Variants in CDH8 observed in about 807,000 individuals in gnomAD.
CDH8 encodes cadherin 8.
CDH8 carries 17 observed loss-of-function variants against 68.1 expected under a neutral mutation model. The observed-to-expected ratio is 0.25, with a 90% CI of 0.17 to 0.37. The LOEUF (loss-of-function observed/expected upper bound fraction) is 0.37, where lower values mean the gene tolerates loss of function less well. Ranked by LOEUF, CDH8 falls within the 10% of genes least tolerant of loss-of-function variation. The probability of loss-of-function intolerance (pLI) is 1.00; values close to 1 mark genes in which losing one functional copy is unlikely to be tolerated. For missense variants in CDH8, 763 were observed against 999.3 expected (o/e 0.76, Z 3.19); for synonymous variants, 372 against 365.1 (o/e 1.02, Z -0.21).
At chr16:61,883,944 G>C (rs1037019198) in intron 3 of CDH8, among the ~76,000 whole-genome samples, 2 of 132,296 alleles carry the variant, frequency 1.5e-5, no homozygotes, top group Non-Finnish European at 3.1e-5. Flanking sequence ...AAGCAGAACA[G>C]TAAACAGTAG....
At chr16:61,844,057 A>C (rs1962745490) in intron 4 of CDH8, among the ~76,000 whole-genome samples, 1 of 152,078 alleles carries the variant, frequency 6.6e-6, no homozygotes, top group Admixed American at 6.5e-5. Context: ...CTGGATTAAG[A>C]AAATGTGGCA....
chr16:62,011,400 C>A (rs952795169), intron 2 of CDH8, among the ~76,000 whole-genome samples: 18 of 152,308 alleles, frequency 1.2e-4, no homozygotes, highest in African/African-American at 4.1e-4. Flanking sequence ...GTCCCATCAG[C>A]CCACCATGTT....
intron 8 of CDH8, among the ~76,000 whole-genome samples, chr16:61,751,347 A>AAGTAGTTGGC (rs1960152535): frequency 7.1e-6 from 1 of 141,660 alleles, no homozygotes; most frequent in Non-Finnish European, 1.5e-5. Flanking sequence ...CTCTGAGGTT[A>AAGTAGTTGGC]AGTAGTTGGC....
At chr16:61,902,063 T>C (rs1963984157) in intron 2 of CDH8, among the ~76,000 whole-genome samples, 1 of 151,870 alleles carries the variant, frequency 6.6e-6, no homozygotes, top group Non-Finnish European at 1.5e-5. Flanking sequence ...TATTGACTGA[T>C]ATTAAGATAT....
intron 2 of CDH8, among the ~76,000 whole-genome samples, chr16:61,908,474 C>T (rs1964100231): frequency 6.6e-6 from 1 of 152,138 alleles, no homozygotes; most frequent in Non-Finnish European, 1.5e-5. Context: ...GAACTGCTAC[C>T]AAAAAGATCA....
At chr16:62,014,569 G>A (rs1901891256) in intron 2 of CDH8, among the ~76,000 whole-genome samples, 1 of 152,158 alleles carries the variant, frequency 6.6e-6, no homozygotes, top group African/African-American at 2.4e-5. Context: ...CATGTCAAGT[G>A]CAATTTTCTC....
At chr16:61,935,545 C>T (rs947185215) in intron 2 of CDH8, among the ~76,000 whole-genome samples, 16 of 152,082 alleles carry the variant, frequency 1.1e-4, no homozygotes, top group African/African-American at 3.9e-4. Flanking sequence ...CTGACACTTA[C>T]ATACCTTTTA....
At chr16:61,948,318 A>G (rs1477311379) in intron 2 of CDH8, among the ~76,000 whole-genome samples, 1 of 152,164 alleles carries the variant, frequency 6.6e-6, no homozygotes, top group Non-Finnish European at 1.5e-5. Flanking sequence ...TATATCATGA[A>G]GTTGGAAGAA....
At chr16:61,828,691 T>C (rs765765027) in intron 4 of CDH8, among the ~76,000 whole-genome samples, 4 of 151,920 alleles carry the variant, frequency 2.6e-5, no homozygotes, top group Non-Finnish European at 2.9e-5. Context: ...ACCATATATT[T>C]TCAAGTTTGA....
rs574609800 is a variant in CDH8 at position 61,843,452 on chromosome 16, T to A, written c.667+13667A>T. ...TCATTCATCCTTAGATATAAAGAAA[T>A]GGGATCTCAGGGATATGGAATATCT... On this transcript the variant is annotated intron_variant, in intron 4 of 11. Transcript: ENST00000577390. Among the ~76,000 whole-genome samples the A allele has an allele frequency of 1.1e-3, 168 of 152,256 alleles. 2 individuals are homozygous for A. The highest frequency in any genetic ancestry group is 6.0e-3 in the South Asian group (29 of 4,822).
chr16:61,746,124 A>T (rs1337122466), intron 8 of CDH8, among the ~76,000 whole-genome samples: 2 of 152,090 alleles, frequency 1.3e-5, no homozygotes, highest in African/African-American at 4.8e-5. Flanking sequence ...TAGCTCTTTG[A>T]AACGTTTAAA....
chr16:61,817,782 C>T (rs1264232446), intron 6 of CDH8, 50 bp from the exon 7 acceptor site: 2 of 1,518,282 alleles, frequency 1.3e-6, no homozygotes, highest in East Asian at 2.3e-5. Context: ...ACCACAGCAG[C>T]AAGAACAAAT....
At chr16:61,700,570 C>T (rs1964407548) in intron 10 of CDH8, among the ~76,000 whole-genome samples, 1 of 152,150 alleles carries the variant, frequency 6.6e-6, no homozygotes, top group African/African-American at 2.4e-5. Flanking sequence ...TGAGCCACCG[C>T]ACCTGTCTTA....
chr16:61,856,481 T>C (rs1963050661), intron 4 of CDH8, among the ~76,000 whole-genome samples: 1 of 152,162 alleles, frequency 6.6e-6, no homozygotes. Context: ...AAAAAGGCTG[T>C]TTGTTAGATA....
chr16:62,014,758 G>A (rs1901895594), intron 2 of CDH8, among the ~76,000 whole-genome samples: 1 of 152,074 alleles, frequency 6.6e-6, no homozygotes, highest in Admixed American at 6.6e-5. Flanking sequence ...AATAGATGTG[G>A]CATTACCAGC....
At chr16:61,934,349 G>A (rs1012878182) in intron 2 of CDH8, 4 of 151,868 alleles carry the variant, frequency 2.6e-5, no homozygotes, top group Admixed American at 6.6e-5. Flanking sequence ...AAAGGCCTCT[G>A]AGAGGCCTTG....
chr16:61,955,130 T>C (rs758548219), intron 2 of CDH8, among the ~76,000 whole-genome samples: 13 of 152,336 alleles, frequency 8.5e-5, no homozygotes, highest in South Asian at 2.1e-4. Context: ...ACTATTGATA[T>C]TCATATAACA....
chr16:61,740,986 C>A (rs1959858955), intron 8 of CDH8, among the ~76,000 whole-genome samples: 1 of 152,040 alleles, frequency 6.6e-6, no homozygotes, highest in African/African-American at 2.4e-5. Context: ...TGTGGATATA[C>A]CAACTTACCC....
chr16:62,022,274 G>A (rs1359412779), intron 1 of CDH8, among the ~76,000 whole-genome samples: 1 of 152,110 alleles, frequency 6.6e-6, no homozygotes, highest in Non-Finnish European at 1.5e-5. Context: ...CTAATAATGA[G>A]TGAATAAAAT....
Sources: allele counts gnomAD v4.1 joint callset (sites outside exome capture counted in the v4.1 genomes callset), GRCh38; gene constraint gnomAD v4.1.1; transcripts MANE v1.5; gene names NCBI Gene and HGNC (gene_info 2026-07-23, HGNC 2026-07-21).